SLC39A11: variants seen among roughly 807,000 people sequenced by gnomAD.
SLC39A11 encodes the protein solute carrier family 39 member 11, also known as zinc transporter ZIP11.
Under a neutral mutation model 36.1 loss-of-function variants are expected in SLC39A11, and 33 were observed. That is an observed-to-expected ratio of 0.91 (90% CI 0.69 to 1.22). The LOEUF (loss-of-function observed/expected upper bound fraction) is 1.22. Ranked by LOEUF, SLC39A11 falls within the 50% of genes most tolerant of loss-of-function variation. The pLI, the probability that SLC39A11 is intolerant of heterozygous loss-of-function variation, is 0.00. For synonymous variants in SLC39A11, 166 were observed against 170.3 expected (o/e 0.97, Z 0.20); for missense variants, 432 against 430.3 (o/e 1.00, Z -0.03).
At chr17:72,683,955 C>G (rs1409434773) in intron 7 of SLC39A11, among the ~76,000 whole-genome samples, 1 of 152,154 alleles carries the variant, frequency 6.6e-6, no homozygotes, top group Non-Finnish European at 1.5e-5. Flanking sequence ...TCCAACACTA[C>G]CCATCTGACT....
chr17:72,993,496 C>A (rs535397783), intron 4 of SLC39A11, among the ~76,000 whole-genome samples: 62 of 152,314 alleles, frequency 4.1e-4, no homozygotes, highest in African/African-American at 1.4e-3. Flanking sequence ...TGAAGCATTG[C>A]TAACTTCGCC....
intron 4 of SLC39A11, among the ~76,000 whole-genome samples, chr17:73,009,156 G>A (rs2148481889): frequency 6.6e-6 from 1 of 151,550 alleles, no homozygotes; most frequent in Admixed American, 6.6e-5. Flanking sequence ...AAGGTCAGGA[G>A]ATCGAACCCA....
intron 6 of SLC39A11, among the ~76,000 whole-genome samples, chr17:72,814,519 T>C (rs2077524300): frequency 6.6e-6 from 1 of 152,186 alleles, no homozygotes; most frequent in South Asian, 2.1e-4. Context: ...CTGAACACAT[T>C]GTGGAATAGT....
intron 5 of SLC39A11, among the ~76,000 whole-genome samples, chr17:72,937,869 G>GT (rs2084871543): frequency 6.6e-6 from 1 of 152,182 alleles, no homozygotes; most frequent in Non-Finnish European, 1.5e-5. Context: ...TCTAAGAGCT[G>GT]TAAGAGACCA....
chr17:72,864,626 A>T, intron 5 of SLC39A11, among the ~76,000 whole-genome samples: 1 of 152,206 alleles, frequency 6.6e-6, no homozygotes, highest in East Asian at 1.9e-4. Context: ...TGCAAGGTGG[A>T]ACAGGAAAAT....
intron 6 of SLC39A11, among the ~76,000 whole-genome samples, chr17:72,785,864 A>G (rs186765035): frequency 3.3e-5 from 5 of 152,350 alleles, no homozygotes; most frequent in Admixed American, 2.0e-4. Context: ...AATGCATTTC[A>G]CATACAGGTA....
intron 6 of SLC39A11, among the ~76,000 whole-genome samples, chr17:72,752,000 A>G (rs2075173789): frequency 6.6e-6 from 1 of 151,350 alleles, no homozygotes; most frequent in Admixed American, 6.6e-5. Flanking sequence ...TGTGCCACTG[A>G]CTCCTCAGGT....
In SLC39A11 at chr17:72,922,960, C is replaced by CA. The variant is rs10645750; in HGVS notation, c.430+24791dup. 7.5e-3 allele frequency among the ~76,000 whole-genome samples: 331 copies of CA among 43,986 alleles called. 12 individuals carry two copies. The highest frequency in any genetic ancestry group is 0.013 in the Non-Finnish European group (229 of 17,018). 28.9% of individuals were successfully genotyped at this position (43,986 alleles called of 152,430 possible). ...TGGGTGATAGAGTGGGACTCCTTCT[C>CA]AAAAAAAAAAAAAAAAAAAAAAAAA... On this transcript the variant is annotated intron_variant, in intron 5 of 9. Coordinates refer to ENST00000255559, the MANE Select transcript of SLC39A11 (RefSeq NM_139177.4).
intron 5 of SLC39A11, among the ~76,000 whole-genome samples, chr17:72,894,838 T>C (rs970724856): frequency 2.0e-5 from 3 of 151,940 alleles, no homozygotes; most frequent in African/African-American, 7.3e-5. Flanking sequence ...TCAATTTCAG[T>C]GTGGGCCTAG....
chr17:73,006,256 A>G (rs2090174617), intron 4 of SLC39A11, among the ~76,000 whole-genome samples: 1 of 152,228 alleles, frequency 6.6e-6, no homozygotes, highest in Non-Finnish European at 1.5e-5. Context: ...AATTTTCATC[A>G]TCAAGAAAAA....
At chr17:72,898,114 G>A (rs2082122939) in intron 5 of SLC39A11, among the ~76,000 whole-genome samples, 1 of 152,154 alleles carries the variant, frequency 6.6e-6, no homozygotes, top group South Asian at 2.1e-4. Context: ...AATCTAATAA[G>A]GCACCAAAAA....
intron 5 of SLC39A11, among the ~76,000 whole-genome samples, chr17:72,902,330 C>A (rs1027108261): frequency 6.7e-6 from 1 of 150,172 alleles, no homozygotes; most frequent in Non-Finnish European, 1.5e-5. Context: ...AGAGGCCAGG[C>A]GACATCAAAA....
chr17:72,676,342 G>T (rs1287954873), intron 7 of SLC39A11, among the ~76,000 whole-genome samples: 1 of 152,136 alleles, frequency 6.6e-6, no homozygotes, highest in East Asian at 1.9e-4. Context: ...GCCTTCAACA[G>T]AAATCTTAGA....
At chr17:72,892,573 C>G (rs6501575) in intron 5 of SLC39A11, among the ~76,000 whole-genome samples, 90,906 of 151,980 alleles carry the variant, frequency 0.6, 29,991 homozygotes, top group African/African-American at 0.89. Context: ...GTTTCAAATT[C>G]AAGAGTCTAT....
intron 6 of SLC39A11, among the ~76,000 whole-genome samples, chr17:72,759,102 A>AAATAATAAT (rs776562987): frequency 4.2e-4 from 57 of 135,448 alleles, no homozygotes; most frequent in African/African-American, 1.1e-3. Context: ...TTTCATCTAA[A>AAATAATAAT]AATAATAACA....
chr17:72,883,231 G>A (rs2081294460), intron 5 of SLC39A11, among the ~76,000 whole-genome samples: 1 of 152,172 alleles, frequency 6.6e-6, no homozygotes, highest in Non-Finnish European at 1.5e-5. Context: ...CATATTCTAC[G>A]CAGAGCAGGC....
Position 72,665,403 on chromosome 17 carries a change from T to TTTTG in SLC39A11, c.672-16136_672-16135insCAAA, listed in dbSNP as rs1567921646. 3.8e-4 allele frequency among the ~76,000 whole-genome samples: 53 copies of TTTTG among 138,096 alleles called. 1 individual carries two copies. The highest frequency in any genetic ancestry group is 6.9e-4 in the Non-Finnish European group (44 of 63,392). 90.6% of individuals were successfully genotyped at this position (138,096 alleles called of 152,430 possible). The stretch of plus-strand genomic sequence containing the variant: ...AGTTTTGAGGTGTTTTTTTTTTTTT[T>TTTTG]TTTTTTTGAGACAGGGTCTTGCTGT... On this transcript the variant is annotated intron_variant, in intron 7 of 9. Coordinates refer to ENST00000255559, the MANE Select transcript of SLC39A11 (RefSeq NM_139177.4).
chr17:73,002,509 A>T (rs2089879391), intron 4 of SLC39A11, among the ~76,000 whole-genome samples: 1 of 152,200 alleles, frequency 6.6e-6, no homozygotes, highest in African/African-American at 2.4e-5. Context: ...GATGACCAAA[A>T]GGTATTAGCC....
chr17:72,974,866 C>T (rs929142348), intron 4 of SLC39A11, among the ~76,000 whole-genome samples: 1 of 152,166 alleles, frequency 6.6e-6, no homozygotes, highest in African/African-American at 2.4e-5. Flanking sequence ...TACTGCACCT[C>T]TTCTATGTTC....
Sources: gnomAD v4.1 joint callset for allele counts (sites outside exome capture counted in the v4.1 genomes callset) on GRCh38, gnomAD v4.1.1 for gene constraint, MANE v1.5 for transcripts, NCBI Gene and HGNC (gene_info 2026-07-23, HGNC 2026-07-21) for gene names.